The following AGAP1 variants were observed in gnomAD, a reference collection of about 807,000 sequenced individuals.
The protein encoded by AGAP1 is ArfGAP with GTPase domain, ankyrin repeat and PH domain 1.
A neutral mutation model predicts 105.3 loss-of-function variants in AGAP1; 29 were observed. That is an observed-to-expected ratio of 0.28 (90% confidence interval 0.21 to 0.38). The LOEUF (loss-of-function observed/expected upper bound fraction) is 0.38, where lower values mean the gene tolerates loss of function less well. Ranked by LOEUF, AGAP1 falls within the 10% of genes least tolerant of loss-of-function variation. The pLI is 1.00. For missense variants in AGAP1, 998 were observed against 1,165.1 expected (o/e 0.86, Z 2.09); for synonymous variants, 509 against 485.9 (o/e 1.05, Z -0.63).
rs79387497 is a variant in AGAP1, at chr2:235,842,413, A to G, written c.1050+35082A>G. ...ACAGCGCATTGCCGTTGTCCCAGAT[A>G]ATTGAATAGGTTGTTTTCTCTGGTC... On this transcript the variant is annotated intron_variant, in intron 9 of 17. Transcript: ENST00000304032. The surrounding 1 kb of genome is among the most constrained non-coding windows in gnomAD (Gnocchi z 5.3). Among the ~76,000 whole-genome samples the G allele has an allele frequency of 0.059, 8,918 of 152,212 alleles. 847 individuals are homozygous for G. Among genetic ancestry groups the G allele is most frequent in the African/African-American group, 0.2 (8,277 of 41,476 alleles).
In AGAP1 at chr2:235,639,890, G is replaced by T. The variant is rs963666914; in HGVS notation, c.164-69289G>T. Among the ~76,000 whole-genome samples, 7 of 152,188 alleles carry T rather than the reference G, an allele frequency of 4.6e-5. No individual in the cohort carries two copies. Among genetic ancestry groups the T allele is most frequent in the African/African-American group, 1.7e-4 (7 of 41,446 alleles). ...CGGATTGATAGAGTCAGCAGGGATG[G>T]ACAGTTTCCCCTTCAGCACCTTTAT... On this transcript the variant is annotated intron_variant, in intron 1 of 17. Transcript: ENST00000304032. This position sits in a 1 kb window ranked among gnomAD's most constrained non-coding sequence, Gnocchi z 5.3.
At position 236,123,864 on chromosome 2, in the gene AGAP1, C is replaced by T; in HGVS notation, c.2371-55C>T. 3.7e-6 allele frequency: 6 copies of T among 1,603,234 alleles called. No individual in the cohort carries two copies. The highest frequency in any genetic ancestry group is 1.7e-5 in the Admixed American group (1 of 59,778). Reference sequence around the variant, plus strand: ...AGGGCTGAGAGAAAGCTTCCCTGCCCCCTCCCTCCATCACATCCCCCATGA... The same window carrying T: ...AGGGCTGAGAGAAAGCTTCCCTGCCTCCTCCCTCCATCACATCCCCCATGA... On this transcript the variant is annotated intron_variant, in intron 17 of 17. Coordinates refer to ENST00000304032, the MANE Select transcript of AGAP1 (RefSeq NM_001037131.3). This position sits in a 1 kb window ranked among gnomAD's most constrained non-coding sequence, Gnocchi z 4.6.
intron 11 of AGAP1, among the ~76,000 whole-genome samples, chr2:235,920,097 A>G (rs190477485): frequency 2.1e-4 from 32 of 152,242 alleles, no homozygotes; most frequent in Non-Finnish European, 4.0e-4. Flanking sequence ...CTGCTTGGCC[A>G]CGTTGATGTA....
chr2:236,026,441 A>G (rs993442158), intron 13 of AGAP1, among the ~76,000 whole-genome samples: 5 of 152,216 alleles, frequency 3.3e-5, no homozygotes, highest in African/African-American at 1.2e-4. Flanking sequence ...AGAAAGAAGT[A>G]TGACACGCCG....
rs1956774716 is a variant in AGAP1 at position 235,788,362 on chromosome 2, C to T, written c.674-9397C>T. Among the ~76,000 whole-genome samples, 1 of 152,102 alleles carries T rather than the reference C, an allele frequency of 6.6e-6. No individual in the cohort carries two copies. Among genetic ancestry groups the T allele is most frequent in the African/African-American group, 2.4e-5 (1 of 41,412 alleles). Reference sequence around the variant, plus strand: ...CAGGAAAGTCCACCAAAAGGATAAACAGCTAGGAGCCCACTAGTAAGCCAG... The same window carrying T: ...CAGGAAAGTCCACCAAAAGGATAAATAGCTAGGAGCCCACTAGTAAGCCAG... On this transcript the variant is annotated intron_variant, in intron 6 of 17. Transcript: ENST00000304032. The surrounding 1 kb of genome is among the most constrained non-coding windows in gnomAD (Gnocchi z 6.0).
chr2:235,833,541 C>G (rs1027283716), intron 9 of AGAP1, among the ~76,000 whole-genome samples: 46 of 151,576 alleles, frequency 3.0e-4, no homozygotes, highest in African/African-American at 1.0e-3. Flanking sequence ...CTCATCACCC[C>G]GCCCCCTCCT....
Position 236,036,091 on chromosome 2 carries a change from C to T in AGAP1, c.1646-470C>T, listed in dbSNP as rs2057371710. The stretch of plus-strand genomic sequence containing the variant: ...TGATGCCTCTCCCACGGTAACAGGT[C>T]CTCTGCCATAAAAGAACAGAACCTT... On this transcript the variant is annotated intron_variant, in intron 13 of 17. Transcript: ENST00000304032. This position sits in a 1 kb window ranked among gnomAD's most constrained non-coding sequence, Gnocchi z 5.7. Among the ~76,000 whole-genome samples the T allele has an allele frequency of 6.6e-6, 1 of 152,166 alleles. No homozygotes were observed. Among genetic ancestry groups the T allele is most frequent in the Non-Finnish European group, 1.5e-5 (1 of 68,042 alleles).
intron 6 of AGAP1, among the ~76,000 whole-genome samples, chr2:235,796,594 T>C (rs1204228271): frequency 6.6e-6 from 1 of 152,226 alleles, no homozygotes; most frequent in Non-Finnish European, 1.5e-5. Context: ...CTTAATCATA[T>C]TTATACTATC....
At chr2:235,922,895 T>C (rs1473513878) in intron 11 of AGAP1, among the ~76,000 whole-genome samples, 1 of 152,242 alleles carries the variant, frequency 6.6e-6, no homozygotes, top group Non-Finnish European at 1.5e-5. Flanking sequence ...TCTTCCACTT[T>C]AGGGATATAA....
intron 9 of AGAP1, among the ~76,000 whole-genome samples, chr2:235,823,418 G>A (rs947095115): frequency 5.3e-5 from 8 of 152,036 alleles, no homozygotes; most frequent in Admixed American, 3.3e-4. Context: ...CTATGGGTGC[G>A]AGCCACCACG....
Position 235,805,746 on chromosome 2 carries a change from A to G in AGAP1, c.958-1493A>G, listed in dbSNP as rs148649238. 3.3e-3 allele frequency among the ~76,000 whole-genome samples: 499 copies of G among 152,234 alleles called. 2 individuals are homozygous for G. Among genetic ancestry groups the G allele is most frequent in the African/African-American group, 0.011 (462 of 41,534 alleles). On this transcript the variant is annotated intron_variant, in intron 8 of 17. Transcript: ENST00000304032. ...TGACAAAGAATTGATAAATATCTCT[A>G]TTTTCCTTCTAGCCCAAAGGGTTAA... is the stretch of plus-strand genomic sequence containing the variant.
chr2:235,524,326 C>T (rs2149057854), intron 1 of AGAP1: 1 of 170,258 alleles, frequency 5.9e-6, no homozygotes, highest in Admixed American at 6.5e-5. Flanking sequence ...GCCTTCTTAT[C>T]CGGTTTGGCA....
chr2:235,946,990 T>C (rs1201831465), intron 12 of AGAP1, among the ~76,000 whole-genome samples: 1 of 152,212 alleles, frequency 6.6e-6, no homozygotes, highest in African/African-American at 2.4e-5. Context: ...CTGACAGCCT[T>C]TGTCATCTAC....
intron 1 of AGAP1, among the ~76,000 whole-genome samples, chr2:235,522,764 C>T (rs955718918): frequency 6.6e-6 from 1 of 152,170 alleles, no homozygotes; most frequent in African/African-American, 2.4e-5. Context: ...GTGCCTGAGC[C>T]TGTTTTCTCT....
intron 9 of AGAP1, among the ~76,000 whole-genome samples, chr2:235,811,407 TA>T (rs1157115155): frequency 1.3e-5 from 2 of 152,242 alleles, no homozygotes; most frequent in African/African-American, 4.8e-5. Flanking sequence ...GTATCATTTT[TA>T]CTTGGTGGGG....
At position 235,646,251 on chromosome 2, in the gene AGAP1, C is replaced by G. The variant is rs192578907; in HGVS notation, c.164-62928C>G. Among the ~76,000 whole-genome samples, 396 of 123,714 alleles carry G rather than the reference C, an allele frequency of 3.2e-3. 1 individual carries two copies. Among genetic ancestry groups the G allele is most frequent in the South Asian group, 8.6e-3 (32 of 3,720 alleles). The allele number at this position is 123,714 out of a possible 152,430, so 81.2% of individuals were successfully genotyped here. A position where few individuals can be genotyped will look rare whatever the true frequency, so the allele number is the denominator to read the frequency against. On this transcript the variant is annotated intron_variant, in intron 1 of 17. Transcript: ENST00000304032. ...CGCCATTGCACTCCAGCCTGGGCAACAGATCTAGACTCTGTCTCCAAAAAA... is the reference window on the plus strand; with the variant it reads ...CGCCATTGCACTCCAGCCTGGGCAAGAGATCTAGACTCTGTCTCCAAAAAA...
intron 1 of AGAP1, chr2:235,670,331 G>A: frequency 2.1e-6 from 1 of 484,520 alleles, no homozygotes; most frequent in South Asian, 3.1e-5. Flanking sequence ...GGAGGCGGAG[G>A]GCGCCGAGGA....
At chr2:236,077,930 C>T (rs2058683074) in intron 16 of AGAP1, among the ~76,000 whole-genome samples, 1 of 152,114 alleles carries the variant, frequency 6.6e-6, no homozygotes, top group African/African-American at 2.4e-5. Flanking sequence ...TTGCGTCTCC[C>T]CTGGGTCACT....
chr2:235,512,104 A>AGT (rs374904471), intron 1 of AGAP1, among the ~76,000 whole-genome samples: 26,468 of 102,916 alleles, frequency 0.26, 2,574 homozygotes, highest in East Asian at 0.43. Context: ...TGTGTGTGTG[A>AGT]ATGTGTGTGT....
Sources: allele counts gnomAD v4.1 joint callset (sites outside exome capture counted in the v4.1 genomes callset), GRCh38; gene constraint gnomAD v4.1.1; non-coding constraint Gnocchi (gnomAD v3.1); transcripts MANE v1.5; gene names NCBI Gene and HGNC (gene_info 2026-07-23, HGNC 2026-07-21).